Variants in SLC39A11 observed in about 807,000 individuals in gnomAD.
SLC39A11 encodes the protein zinc transporter ZIP11.
SLC39A11 carries 33 observed loss-of-function variants against 36.1 expected under a neutral mutation model. That is an observed-to-expected ratio of 0.91 (90% CI 0.69 to 1.22). SLC39A11 has a LOEUF of 1.22. Among genes scored for constraint, SLC39A11 ranks in the 50% most tolerant of loss-of-function variants. SLC39A11 has a pLI of 0.00. For missense variants in SLC39A11, 432 were observed against 430.3 expected (o/e 1.00, Z -0.03); for synonymous variants, 166 against 170.3 (o/e 0.97, Z 0.20).
At chr17:73,005,049 G>T (rs369618260) in intron 4 of SLC39A11, among the ~76,000 whole-genome samples, 2 of 152,342 alleles carry the variant, frequency 1.3e-5, no homozygotes, top group South Asian at 2.1e-4. Context: ...AGGCTGGAAT[G>T]CAGTGGTGTG....
intron 7 of SLC39A11, among the ~76,000 whole-genome samples, chr17:72,680,127 G>A (rs1598324809): frequency 6.6e-6 from 1 of 150,512 alleles, no homozygotes; most frequent in East Asian, 2.0e-4. Flanking sequence ...TTTATGAGGT[G>A]TACATTTCAG....
chr17:72,908,151 C>T (rs1170235687), intron 5 of SLC39A11, among the ~76,000 whole-genome samples: 4 of 152,212 alleles, frequency 2.6e-5, no homozygotes, highest in African/African-American at 4.8e-5. Flanking sequence ...CTTCAGTGGC[C>T]GTCCTCACTG....
At position 72,873,054 on chromosome 17, in the gene SLC39A11, C is replaced by CAA. The variant is rs1197695347; in HGVS notation, c.431-23252_431-23251dup. On this transcript the variant is annotated intron_variant, in intron 5 of 9. Transcript: ENST00000255559. Reference sequence around the variant, plus strand: ...GGGCGACAGGGGCAAGACTCCATCTCAAAAAAAAAAAAAAAGAAAAAAAAA... The same window carrying CAA: ...GGGCGACAGGGGCAAGACTCCATCTCAAAAAAAAAAAAAAAAAGAAAAAAAAA... Among the ~76,000 whole-genome samples, 325 of 51,984 alleles carry CAA rather than the reference C, an allele frequency of 6.3e-3. 3 individuals carry two copies. Among genetic ancestry groups the CAA allele is most frequent in the African/African-American group, 0.021 (309 of 14,388 alleles). The allele number at this position is 51,984 out of a possible 152,430, so 34.1% of individuals were successfully genotyped here.
At chr17:72,703,481 A>G (rs538817898) in intron 7 of SLC39A11, among the ~76,000 whole-genome samples, 33 of 152,138 alleles carry the variant, frequency 2.2e-4, no homozygotes, top group African/African-American at 5.8e-4. Flanking sequence ...TAAAGGTAAC[A>G]TGGGGGGTTG....
intron 5 of SLC39A11, among the ~76,000 whole-genome samples, chr17:72,882,914 A>G (rs1164502280): frequency 3.3e-5 from 5 of 150,752 alleles, no homozygotes; most frequent in Non-Finnish European, 7.4e-5. Context: ...CTCCTGCCTC[A>G]GCCTCCCCAG....
At chr17:72,790,472 C>T (rs1309206567) in intron 6 of SLC39A11, among the ~76,000 whole-genome samples, 1 of 152,036 alleles carries the variant, frequency 6.6e-6, no homozygotes, top group Non-Finnish European at 1.5e-5. Flanking sequence ...GCTGCTTCTC[C>T]AAGGAATGAG....
At chr17:73,059,723 T>C (rs2059780974) in intron 3 of SLC39A11, among the ~76,000 whole-genome samples, 1 of 152,038 alleles carries the variant, frequency 6.6e-6, no homozygotes, top group African/African-American at 2.4e-5. Context: ...AGATATGTTT[T>C]TGTTAAGTGA....
intron 4 of SLC39A11, among the ~76,000 whole-genome samples, chr17:73,000,340 C>T (rs370172542): frequency 4.0e-5 from 6 of 151,496 alleles, no homozygotes; most frequent in African/African-American, 1.5e-4. Context: ...CTCTTCTCCC[C>T]TCTCTCTCTG....
At chr17:72,703,522 G>A (rs748433187) in intron 7 of SLC39A11, among the ~76,000 whole-genome samples, 2 of 152,198 alleles carry the variant, frequency 1.3e-5, no homozygotes, top group Non-Finnish European at 2.9e-5. Context: ...TTCCAAGCAT[G>A]TCACCCACAT....
chr17:72,832,094 G>C (rs1246689800), intron 6 of SLC39A11, among the ~76,000 whole-genome samples: 3 of 152,314 alleles, frequency 2.0e-5, no homozygotes, highest in Middle Eastern at 3.4e-3. Context: ...AAATGGGATC[G>C]AGCGTATAAT....
In SLC39A11 at chr17:72,838,143, A is replaced by G. The variant is rs2078649092; in HGVS notation, c.601+11491T>C. On this transcript the variant is annotated intron_variant, in intron 6 of 9. Coordinates refer to ENST00000255559, the MANE Select transcript of SLC39A11 (RefSeq NM_139177.4). ...CTACTGGAAGAAAAAAATTAAAATT[A>G]AAAATTAAAAAGATAGTGATGGTGG... The G allele has an allele frequency of 3.8e-5, 16 of 417,510 alleles. No individual in the cohort carries two copies. In the East Asian group the frequency reaches 5.7e-4, roughly 15 times the overall value. 25.9% of individuals were successfully genotyped at this position (417,510 alleles called of 1,614,324 possible).
intron 7 of SLC39A11, among the ~76,000 whole-genome samples, chr17:72,680,538 T>C (rs556554905): frequency 6.6e-6 from 1 of 152,358 alleles, no homozygotes; most frequent in East Asian, 1.9e-4. Flanking sequence ...GCTGCTGCCA[T>C]GTAAGACATG....
intron 5 of SLC39A11, among the ~76,000 whole-genome samples, chr17:72,857,107 T>C (rs1053214177): frequency 3.9e-5 from 6 of 152,202 alleles, no homozygotes; most frequent in South Asian, 2.1e-4. Context: ...ACCCAATAGT[T>C]ACTTTTTCTG....
At chr17:73,021,518 T>G (rs2058352177) in intron 4 of SLC39A11, among the ~76,000 whole-genome samples, 1 of 152,056 alleles carries the variant, frequency 6.6e-6, no homozygotes. Context: ...ACTTTTGTAT[T>G]TTTAGTACAG....
At chr17:72,981,506 C>T (rs906454908) in intron 4 of SLC39A11, among the ~76,000 whole-genome samples, 1 of 151,138 alleles carries the variant, frequency 6.6e-6, no homozygotes, top group Non-Finnish European at 1.5e-5. Context: ...TAATCTCTAT[C>T]TCACTTTTTA....
At chr17:73,068,441 T>C (rs1268143665) in intron 3 of SLC39A11, among the ~76,000 whole-genome samples, 2 of 152,228 alleles carry the variant, frequency 1.3e-5, no homozygotes, top group Non-Finnish European at 2.9e-5. Flanking sequence ...TGTAGGTGTC[T>C]GGTTGCCATG....
intron 6 of SLC39A11, among the ~76,000 whole-genome samples, chr17:72,799,222 G>A (rs561484679): frequency 1.3e-5 from 2 of 152,280 alleles, no homozygotes; most frequent in African/African-American, 4.8e-5. Context: ...AATTTCTTAT[G>A]CCTGTCTTGT....
At chr17:72,682,795 TA>T (rs1167632082) in intron 7 of SLC39A11, among the ~76,000 whole-genome samples, 6 of 152,246 alleles carry the variant, frequency 3.9e-5, no homozygotes, top group African/African-American at 1.2e-4. Context: ...GTGGAGACTC[TA>T]CTATCTTCTT....
chr17:73,048,929 T>C (rs980129448), intron 3 of SLC39A11, among the ~76,000 whole-genome samples: 14 of 152,264 alleles, frequency 9.2e-5, no homozygotes, highest in African/African-American at 3.1e-4. Flanking sequence ...TGTCTGTGAA[T>C]AGATAATAAC....
Sources: allele counts gnomAD v4.1 joint callset (sites outside exome capture counted in the v4.1 genomes callset), GRCh38; gene constraint gnomAD v4.1.1; transcripts MANE v1.5; gene names NCBI Gene and HGNC (gene_info 2026-07-23, HGNC 2026-07-21).